Variants in C16orf96 observed in about 807,000 individuals in gnomAD.
The protein encoded by C16orf96 is chromosome 16 open reading frame 96.
In C16orf96, 108 loss-of-function variants were observed where a neutral mutation model predicts 103.6. That is an observed-to-expected ratio of 1.04 (90% confidence interval 0.89 to 1.22). The LOEUF is 1.22. Among genes scored for constraint, C16orf96 ranks in the 50% most tolerant of loss-of-function variants. C16orf96 has a pLI of 0.00. For missense variants in C16orf96, 1,586 were observed against 1,464.2 expected, an observed-to-expected ratio of 1.08 and a Z score of -1.36; for synonymous variants, 566 against 593.5, an observed-to-expected ratio of 0.95 and a Z score of 0.67.
At position 4,556,923 on chromosome 16, in the gene C16orf96, C is replaced by T. The variant is rs1189994204; in HGVS notation, c.420+14C>T. On this transcript the variant is annotated intron_variant, in intron 1 of 15. Coordinates refer to ENST00000444310, the MANE Select transcript of C16orf96 (RefSeq NM_001145011.2). Reference sequence around the variant, plus strand: ...GTCATGGCCAAGGTACGCCCCCAGCCTCCAGACACTTCTTTTCCTCCCTTC... The same window carrying T: ...GTCATGGCCAAGGTACGCCCCCAGCTTCCAGACACTTCTTTTCCTCCCTTC... The T allele has an allele frequency of 1.3e-6, 2 of 1,523,862 alleles. No homozygotes were observed. The highest frequency in any genetic ancestry group is 1.8e-6 in the Non-Finnish European group (2 of 1,130,152). The allele number at this position is 1,523,862 out of a possible 1,614,324, so 94.4% of individuals were successfully genotyped here.
At chr16:4,544,435 G>A in the C16orf96 span, among the ~76,000 whole-genome samples, 3 of 152,076 alleles carry the variant, frequency 2.0e-5, no homozygotes, top group African/African-American at 7.2e-5. Context: ...GCAAAACCCG[G>A]TATCTACAAA....
At chr16:4,574,912 G>C in intron 3 of C16orf96, 60 bp from the exon 4 acceptor site, 2 of 1,526,638 alleles carry the variant, frequency 1.3e-6, no homozygotes, top group Non-Finnish European at 1.8e-6. Context: ...TTCTTTGCAG[G>C]TGTGGGGGAC....
At chr16:4,587,671 A>T (rs947258979) in intron 8 of C16orf96, among the ~76,000 whole-genome samples, 3 of 152,150 alleles carry the variant, frequency 2.0e-5, no homozygotes, top group African/African-American at 7.2e-5. Context: ...AGGGTGGCTC[A>T]TACCTGTAAT....
Position 4,563,161 on chromosome 16 carries a change from GT to G in C16orf96, c.420+6255del, listed in dbSNP as rs1252440694. On this transcript the variant is annotated intron_variant, in intron 1 of 15. Coordinates refer to ENST00000444310, the MANE Select transcript of C16orf96 (RefSeq NM_001145011.2). ...CACTGTCAGAATCACTGCCAGAAGA[GT>G]TTGAAGAAACAAGTTCCTTTGCTTT... 5.3e-6 allele frequency: 4 copies of G among 759,288 alleles called. No individual in the cohort carries two copies. In the East Asian group the frequency reaches 8.4e-5, roughly 16 times the overall value. 47.0% of individuals were successfully genotyped at this position (759,288 alleles called of 1,614,324 possible).
chr16:4,547,137 A>T, the C16orf96 span, among the ~76,000 whole-genome samples: 1 of 151,918 alleles, frequency 6.6e-6, no homozygotes, highest in Non-Finnish European at 1.5e-5. Flanking sequence ...AAGACCACTT[A>T]TTGTTTTTCT....
At chr16:4,579,134 A>C in intron 6 of C16orf96, 109 bp downstream of exon 6, 1 of 1,016,588 alleles carries the variant, frequency 9.8e-7, no homozygotes, top group Non-Finnish European at 1.5e-6. Flanking sequence ...TCTGCAGCAA[A>C]ACAGGCTGGG....
chr16:4,571,784 G>C (rs2059441401), intron 2 of C16orf96, 119 bp downstream of exon 2: 1 of 844,400 alleles, frequency 1.2e-6, no homozygotes. Flanking sequence ...GTGAGGGTGT[G>C]GTCATGTGGA....
At chr16:4,579,411 A>G (rs930940455) in intron 6 of C16orf96, among the ~76,000 whole-genome samples, 12 of 151,842 alleles carry the variant, frequency 7.9e-5, no homozygotes, top group Admixed American at 7.2e-4. Context: ...AAAATTATCC[A>G]GGTGTGGTGG....
chr16:4,552,623 T>C (rs1186217376), upstream of C16orf96, among the ~76,000 whole-genome samples: 1 of 152,166 alleles, frequency 6.6e-6, no homozygotes, highest in Non-Finnish European at 1.5e-5. Context: ...TTAGCTACTA[T>C]GAGTAGTGCT....
At chr16:4,555,340 T>A (rs114152335), upstream of C16orf96, among the ~76,000 whole-genome samples, 1,760 of 151,496 alleles carry the variant, frequency 0.012, 40 homozygotes, top group African/African-American at 0.039. Context: ...GGGGGGCCTT[T>A]GGATGCGTCC....
chr16:4,565,170 TGA>T (rs1360755633), intron 1 of C16orf96, among the ~76,000 whole-genome samples: 2 of 151,096 alleles, frequency 1.3e-5, no homozygotes, highest in African/African-American at 4.9e-5. Context: ...AAAGCCCTCT[TGA>T]GAGAGAGAGA....
intron 2 of C16orf96, among the ~76,000 whole-genome samples, chr16:4,573,236 G>A (rs954665088): frequency 6.6e-6 from 1 of 151,972 alleles, no homozygotes. Flanking sequence ...TCAGGAGTTC[G>A]AGACCAGCCT....
In C16orf96 at chr16:4,575,712, G is replaced by A; in HGVS notation, c.1232G>A (p.Gly411Asp). 1.3e-6 allele frequency: 2 copies of A among 1,533,162 alleles called. No individual in the cohort carries two copies. The highest frequency in any genetic ancestry group is 1.4e-5 in the African/African-American group (1 of 72,640). The allele number at this position is 1,533,162 out of a possible 1,614,324, so 95.0% of individuals were successfully genotyped here. A position where few individuals can be genotyped will look rare whatever the true frequency, so the allele number is the denominator to read the frequency against. The change falls in exon 5 of 16, where the codon GGT becomes GAT. Residue 411 changes from glycine to aspartate, a missense_variant. Coordinates refer to ENST00000444310, the MANE Select transcript of C16orf96 (RefSeq NM_001145011.2). ...RVGSWPLWDL[G>D]VLRPTQPQPS... ...GGCTCTTGGCCTCTGTGGGACTTAG[G>A]TGTCCTGCGGCCAACTCAGCCCCAA...
At chr16:4,584,087 T>G (rs1896856961) in intron 7 of C16orf96, among the ~76,000 whole-genome samples, 1 of 152,132 alleles carries the variant, frequency 6.6e-6, no homozygotes, top group East Asian at 1.9e-4. Flanking sequence ...AGCAATCCTC[T>G]AGATGACACA....
Position 4,556,570 on chromosome 16 carries a change from C to G in C16orf96, c.81C>G (p.His27Gln), listed in dbSNP as rs540050462. The G allele has an allele frequency of 6.4e-7, 1 of 1,551,714 alleles. No individual in the cohort carries two copies. The highest frequency in any genetic ancestry group is 1.4e-5 in the African/African-American group (1 of 73,172). The change falls in exon 1 of 16, where the codon CAC (histidine) becomes CAG (glutamine). Residue 27 changes from histidine to glutamine, a missense_variant. By Grantham distance (24) the His-to-Gln change is conservative. Transcript: ENST00000444310. ...QCGVLNFKALHLLLHGILEHI... is the reference protein window; with the variant it reads ...QCGVLNFKALQLLLHGILEHI... The stretch of plus-strand genomic sequence containing the variant: ...GGGTGCTGAACTTCAAGGCCCTGCA[C>G]CTCCTGCTGCACGGCATCTTGGAGC...
chr16:4,556,732 C>A lies in C16orf96; in HGVS notation c.243C>A (p.Phe81Leu). ...CCATGAAGAGGCTCAGCAATGTCTT[C>A]GACCACGTGGTGAGCCGCCTCGACA... is the stretch of plus-strand genomic sequence containing the variant. Reference protein sequence around the residue: ...LNPMKRLSNVFDHVVSRLDKL... With the variant: ...LNPMKRLSNVLDHVVSRLDKL... The change falls in exon 1 of 16, where the codon TTC (phenylalanine) becomes TTA (leucine). Residue 81 changes from phenylalanine (F) to leucine (L), a missense_variant. Coordinates refer to ENST00000444310, the MANE Select transcript of C16orf96 (RefSeq NM_001145011.2). The A allele has an allele frequency of 6.4e-7, 1 of 1,551,606 alleles. No homozygotes were observed. Among genetic ancestry groups the A allele is most frequent in the South Asian group, 1.2e-5 (1 of 84,056 alleles).
chr16:4,596,312 T>A lies in C16orf96; in HGVS notation c.3127+1509T>A, dbSNP rs1005289647. ...CTAGCCTGAACAACATGGTGAAACC[T>A]CGTCTGTACTGAAAATACAAAAATT... On this transcript the variant is annotated intron_variant, in intron 14 of 15. Coordinates refer to ENST00000444310, the MANE Select transcript of C16orf96 (RefSeq NM_001145011.2). 2.6e-5 allele frequency among the ~76,000 whole-genome samples: 4 copies of A among 152,094 alleles called. No homozygotes were observed. In the East Asian group the frequency reaches 7.8e-4, roughly 30 times the overall value.
chr16:4,546,745 C>T, the C16orf96 span, among the ~76,000 whole-genome samples: 5 of 152,118 alleles, frequency 3.3e-5, no homozygotes, highest in African/African-American at 7.2e-5. Flanking sequence ...GCTGAGATTA[C>T]AGGCATAAGC....
At chr16:4,580,599 C>T (rs933893527) in intron 7 of C16orf96, among the ~76,000 whole-genome samples, 9 of 151,978 alleles carry the variant, frequency 5.9e-5, no homozygotes, top group Admixed American at 6.6e-5. Context: ...GTAATCCCAG[C>T]GCTTTGGGAA....
Sources: gnomAD v4.1 joint callset for allele counts (sites outside exome capture counted in the v4.1 genomes callset) on GRCh38, gnomAD v4.1.1 for gene constraint, MANE v1.5 for transcripts, NCBI Gene and HGNC (gene_info 2026-07-23, HGNC 2026-07-21) for gene names.